The following IL17RD variants were observed in gnomAD, a reference collection of about 807,000 sequenced individuals.
IL17RD encodes interleukin 17 receptor D, also known as interleukin-17 receptor D.
A neutral mutation model predicts 80.5 loss-of-function variants in IL17RD; 52 were observed. That is an observed-to-expected ratio of 0.65 (90% CI 0.52 to 0.81). IL17RD has a LOEUF of 0.81. IL17RD is among the 40% of genes least tolerant of loss of function. The probability of loss-of-function intolerance (pLI) is 0.00; values close to 1 mark genes in which losing one functional copy is unlikely to be tolerated. For missense variants in IL17RD, 1,024 were observed against 955.1 expected (o/e 1.07, Z -0.95); for synonymous variants, 416 against 391.8 (o/e 1.06, Z -0.73).
chr3:57,120,636 G>C (rs752187922), intron 1 of IL17RD, among the ~76,000 whole-genome samples: 14 of 152,220 alleles, frequency 9.2e-5, no homozygotes, highest in Non-Finnish European at 1.6e-4. Flanking sequence ...AGAGCTGCCA[G>C]CTGGAGCCCT....
In IL17RD at chr3:57,109,543, T is replaced by A. The variant is rs1313935940; in HGVS notation, c.544A>T (p.Thr182Ser). ...CAGGAAAGGCCATACTCACCTCGGG[T>A]TCTAAAGAAGAAAGGGTGGTAATTG... ...ESNYHPFFFR[T>S]RACDLLLQPD... Residue 182 changes from threonine to serine, a missense_variant, in exon 5 of 13, where the codon ACC becomes TCC. Coordinates refer to ENST00000296318, the MANE Select transcript of IL17RD (RefSeq NM_017563.5). The A allele has an allele frequency of 6.2e-7, 1 of 1,613,432 alleles. No individual in the cohort carries two copies. Among genetic ancestry groups the A allele is most frequent in the Non-Finnish European group, 8.5e-7 (1 of 1,179,768 alleles).
chr3:57,164,824 A>C, intron 1 of IL17RD: 3 of 931,178 alleles, frequency 3.2e-6, no homozygotes, highest in Non-Finnish European at 4.0e-6. Context: ...CAGCCCTGGG[A>C]CGAAGGAGGT....
intron 2 of IL17RD, among the ~76,000 whole-genome samples, chr3:57,118,060 T>G (rs1448808005): frequency 2.6e-5 from 4 of 152,118 alleles, no homozygotes; most frequent in African/African-American, 9.7e-5. Context: ...GAGATACAAA[T>G]GTTTGTTTGC....
At chr3:57,144,060 A>G (rs925038552) in intron 1 of IL17RD, among the ~76,000 whole-genome samples, 1 of 152,162 alleles carries the variant, frequency 6.6e-6, no homozygotes, top group South Asian at 2.1e-4. Context: ...CTGAAGCTTC[A>G]ATCAGCCCAG....
intron 1 of IL17RD, among the ~76,000 whole-genome samples, chr3:57,136,443 G>T (rs1272836815): frequency 6.6e-6 from 1 of 151,986 alleles, no homozygotes; most frequent in Admixed American, 6.6e-5. Flanking sequence ...GACCAGCCTG[G>T]ACTCCATCTC....
Position 57,093,534 on chromosome 3 carries a change from C to T in IL17RD, c.*2859G>A, listed in dbSNP as rs1706604422. The T allele has an allele frequency of 6.6e-6, 1 of 152,212 alleles. No homozygotes were observed. Among genetic ancestry groups the T allele is most frequent in the Admixed American group, 6.5e-5 (1 of 15,278 alleles). 9.4% of individuals were successfully genotyped at this position (152,212 alleles called of 1,614,324 possible). The stretch of plus-strand genomic sequence containing the variant: ...CCCACATTTTTTGAAGGACAGTCTT[C>T]CTGCTTATTTGCACTCAAGATACTA... On this transcript the variant is annotated 3_prime_UTR_variant, in exon 13 of 13. Transcript: ENST00000296318.
intron 1 of IL17RD, among the ~76,000 whole-genome samples, chr3:57,122,703 C>T (rs955323501): frequency 6.8e-6 from 1 of 147,802 alleles, no homozygotes; most frequent in Non-Finnish European, 1.5e-5. Flanking sequence ...TTGGGGACCG[C>T]TGCTCTACAC....
chr3:57,127,297 TATATATAA>T lies in IL17RD; in HGVS notation c.127-6992_127-6985del, dbSNP rs1559476983. 7.9e-5 allele frequency among the ~76,000 whole-genome samples: 6 copies of T among 76,280 alleles called. 1 individual carries two copies. The highest frequency in any genetic ancestry group is 3.4e-4 in the African/African-American group (6 of 17,582). 50.0% of individuals were successfully genotyped at this position (76,280 alleles called of 152,430 possible). ...AAAAATATATATAAATATATATAAA[TATATATAA>T]AAATATATAAAAATATATATAAATA... On this transcript the variant is annotated intron_variant, in intron 1 of 12. Coordinates refer to ENST00000296318, the MANE Select transcript of IL17RD (RefSeq NM_017563.5).
At chr3:57,128,408 A>G (rs1167674767) in intron 1 of IL17RD, among the ~76,000 whole-genome samples, 1 of 152,202 alleles carries the variant, frequency 6.6e-6, no homozygotes, top group East Asian at 1.9e-4. Flanking sequence ...CTCCAAAGGA[A>G]AGCTGAAGGG....
upstream of IL17RD, among the ~76,000 whole-genome samples, chr3:57,168,778 A>G (rs1199339186): frequency 6.6e-6 from 1 of 152,000 alleles, no homozygotes; most frequent in Admixed American, 6.6e-5. Flanking sequence ...GTGCAATGCC[A>G]TGGTCTCGGC....
chr3:57,096,113 C>A lies in IL17RD; in HGVS notation c.*280G>T, dbSNP rs1464046333. 5.8e-5 allele frequency: 23 copies of A among 399,046 alleles called. No homozygotes were observed. The South Asian group carries it at 9.0e-4, about 16-fold the overall frequency. 24.7% of individuals were successfully genotyped at this position (399,046 alleles called of 1,614,324 possible). A position where few individuals can be genotyped will look rare whatever the true frequency, so the allele number is the denominator to read the frequency against. ...TTACATATTTCCTCCCTACCTCCCA[C>A]AACAGGCTCTGATCCAAGGACTAAC... On this transcript the variant is annotated 3_prime_UTR_variant, in exon 13 of 13. Transcript: ENST00000296318.
At position 57,102,506 on chromosome 3, in the gene IL17RD, T is replaced by C. The variant is rs781171382; in HGVS notation, c.952A>G (p.Thr318Ala). Residue 318 changes from threonine to alanine, a missense_variant, in exon 10 of 13, where the codon ACT (threonine) becomes GCT (alanine). Thr to Ala is a moderately conservative substitution (Grantham distance 58). Coordinates refer to ENST00000296318, the MANE Select transcript of IL17RD (RefSeq NM_017563.5). ...VVISAFATLF[T>A]VMCRKKQQEN... ...TGTTGCTTCTTGCGGCACATCACAGTGAAGAGCGTCGCGAATGCCGATATG... is the reference window on the plus strand; with the variant it reads ...TGTTGCTTCTTGCGGCACATCACAGCGAAGAGCGTCGCGAATGCCGATATG... 5.1e-6 allele frequency: 8 copies of C among 1,576,800 alleles called. No homozygotes were observed. The highest frequency in any genetic ancestry group is 1.7e-5 in the Admixed American group (1 of 59,388).
rs111930005 is a variant in IL17RD at position 57,108,670 on chromosome 3, G to T, written c.550+867C>A. Among the ~76,000 whole-genome samples the T allele has an allele frequency of 2.6e-3, 398 of 151,668 alleles. 2 individuals are homozygous for T. Among genetic ancestry groups the T allele is most frequent in the African/African-American group, 8.9e-3 (367 of 41,326 alleles). On this transcript the variant is annotated intron_variant, in intron 5 of 12. Coordinates refer to ENST00000296318, the MANE Select transcript of IL17RD (RefSeq NM_017563.5). Reference sequence around the variant, plus strand: ...AGCTGGGACTACAGGCGCACACCATGACGCCCGGCTAATTTTTGTATTTTT... The same window carrying T: ...AGCTGGGACTACAGGCGCACACCATTACGCCCGGCTAATTTTTGTATTTTT...
At chr3:57,129,782 A>G (rs1307860085) in intron 1 of IL17RD, among the ~76,000 whole-genome samples, 1 of 152,254 alleles carries the variant, frequency 6.6e-6, no homozygotes, top group African/African-American at 2.4e-5. Context: ...AAGTCTGTCC[A>G]CATGGTGGTC....
At chr3:57,163,862 T>C (rs574891231) in intron 1 of IL17RD, among the ~76,000 whole-genome samples, 1 of 148,590 alleles carries the variant, frequency 6.7e-6, no homozygotes, top group Non-Finnish European at 1.5e-5. Flanking sequence ...GCTTAGCTAC[T>C]GAGTCTGAAG....
chr3:57,120,204 C>T, intron 2 of IL17RD, 52 bp downstream of exon 2: 1 of 1,375,422 alleles, frequency 7.3e-7, no homozygotes, highest in Middle Eastern at 1.8e-4. Flanking sequence ...GCTATGTAAT[C>T]TCTAGATGAC....
chr3:57,160,103 C>T (rs2060293529), intron 1 of IL17RD, among the ~76,000 whole-genome samples: 1 of 151,990 alleles, frequency 6.6e-6, no homozygotes, highest in African/African-American at 2.4e-5. Context: ...ACCTGGGAGG[C>T]GGAGATTGCA....
At chr3:57,166,917 T>C (rs1190635348), upstream of IL17RD, among the ~76,000 whole-genome samples, 2 of 152,194 alleles carry the variant, frequency 1.3e-5, no homozygotes, top group Non-Finnish European at 2.9e-5. Flanking sequence ...CACTTTCTCT[T>C]GTGGCTTGTG....
chr3:57,124,302 C>T (rs1707402340), intron 1 of IL17RD, among the ~76,000 whole-genome samples: 1 of 152,106 alleles, frequency 6.6e-6, no homozygotes. Flanking sequence ...GTTCCCAGAA[C>T]CTGTGAGTAT....
Sources: gnomAD v4.1 joint callset for allele counts (sites outside exome capture counted in the v4.1 genomes callset) on GRCh38, gnomAD v4.1.1 for gene constraint, MANE v1.5 for transcripts, NCBI Gene and HGNC (gene_info 2026-07-23, HGNC 2026-07-21) for gene names.